Variants in SLC7A2 observed in about 807,000 individuals in gnomAD.
SLC7A2 encodes the protein solute carrier family 7 member 2, also known as cationic amino acid transporter 2.
In SLC7A2, 48 loss-of-function variants were observed where a neutral mutation model predicts 58.9. The ratio of observed to expected loss-of-function variants is 0.82; its 90% confidence interval spans 0.65 to 1.04. The LOEUF is 1.04. SLC7A2 is among the 50% of genes least tolerant of loss of function. The probability of loss-of-function intolerance (pLI) is 0.00; values close to 1 mark genes in which losing one functional copy is unlikely to be tolerated. For synonymous variants in SLC7A2, 363 were observed against 314.5 expected, an observed-to-expected ratio of 1.15 and a Z score of -1.63; for missense variants, 1,029 against 818.8, an observed-to-expected ratio of 1.26 and a Z score of -3.13.
At chr8:17,550,178 T>C (rs1171891884) in intron 5 of SLC7A2, 123 bp from the exon 6 acceptor site, 7 of 861,122 alleles carry the variant, frequency 8.1e-6, no homozygotes, top group African/African-American at 1.7e-5. Flanking sequence ...TTTAATTTTA[T>C]GTATATCATC....
intron 1 of SLC7A2, among the ~76,000 whole-genome samples, chr8:17,498,366 T>C (rs1800030849): frequency 6.6e-6 from 1 of 152,226 alleles, no homozygotes; most frequent in Non-Finnish European, 1.5e-5. Flanking sequence ...AAGTTAATAA[T>C]TATCTCCTCC....
At chr8:17,517,635 C>A (rs1800853976) in intron 2 of SLC7A2, among the ~76,000 whole-genome samples, 1 of 151,836 alleles carries the variant, frequency 6.6e-6, no homozygotes, top group South Asian at 2.1e-4. Flanking sequence ...TGTTCTTAAA[C>A]ATTGATTTTC....
chr8:17,496,546 C>G (rs1437451075), upstream of SLC7A2, among the ~76,000 whole-genome samples: 1 of 152,128 alleles, frequency 6.6e-6, no homozygotes, highest in East Asian at 1.9e-4. Flanking sequence ...TATAAACCCA[C>G]CCCCAAACAA....
chr8:17,509,603 A>C (rs142010226), intron 2 of SLC7A2, among the ~76,000 whole-genome samples: 1 of 152,138 alleles, frequency 6.6e-6, no homozygotes, highest in Non-Finnish European at 1.5e-5. Context: ...ACCACGCCCA[A>C]CAATTTCTTT....
rs1421446029 is a variant in SLC7A2 at position 17,566,235 on chromosome 8, T to A, written c.*1089T>A. On this transcript the variant is annotated 3_prime_UTR_variant, in exon 13 of 13. Coordinates refer to ENST00000494857, the MANE Select transcript of SLC7A2 (RefSeq NM_001370338.1). ...CCTCGTCAGGCCCAGAGTTCACTTC[T>A]TTGTTTCTCTGTTTCTTTTGTCTTG... The A allele has an allele frequency of 6.6e-6, 1 of 152,194 alleles. No homozygotes were observed. The highest frequency in any genetic ancestry group is 1.5e-5 in the Non-Finnish European group (1 of 68,028). The allele number at this position is 152,194 out of a possible 1,614,324, so 9.4% of individuals were successfully genotyped here. A position where few individuals can be genotyped will look rare whatever the true frequency, so the allele number is the denominator to read the frequency against.
At chr8:17,538,870 C>T (rs200203123) in intron 2 of SLC7A2, 19 of 1,613,494 alleles carry the variant, frequency 1.2e-5, no homozygotes, top group East Asian at 2.2e-5. Flanking sequence ...ACTAATTTGT[C>T]GAGGGTTTAT....
Position 17,554,637 on chromosome 8 carries a change from C to T in SLC7A2, c.1133C>T (p.Ala378Val), listed in dbSNP as rs1217766232. 1.2e-6 allele frequency: 2 copies of T among 1,613,358 alleles called. No homozygotes were observed. Among genetic ancestry groups the T allele is most frequent in the Non-Finnish European group, 1.7e-6 (2 of 1,179,812 alleles). The change falls in exon 8 of 13, where the codon GCT becomes GTT. Residue 378 changes from alanine (A) to valine (V), a missense_variant. Transcript: ENST00000494857. ...AEDGLLFKCL[A>V]QINSKTKTPI... ...GATGGGTTGCTTTTCAAATGTCTAG[C>T]TCAAATCAATTCCAAAACGAAGACA... is the stretch of plus-strand genomic sequence containing the variant.
Position 17,567,687 on chromosome 8 carries a change from T to C in SLC7A2, c.*2541T>C, listed in dbSNP as rs62498021. 6,432 of 152,614 alleles carry C rather than the reference T, an allele frequency of 0.042. 200 individuals are homozygous for C. Among genetic ancestry groups the C allele is most frequent in the Non-Finnish European group, 0.064 (4,378 of 68,028 alleles). 9.5% of individuals were successfully genotyped at this position (152,614 alleles called of 1,614,324 possible). ...CAACTGATGTGGAGAAAAATTGATGTTTGATGTTGATAGATATGCTTATAC... is the reference window on the plus strand; with the variant it reads ...CAACTGATGTGGAGAAAAATTGATGCTTGATGTTGATAGATATGCTTATAC... On this transcript the variant is annotated 3_prime_UTR_variant, in exon 13 of 13. Coordinates refer to ENST00000494857, the MANE Select transcript of SLC7A2 (RefSeq NM_001370338.1).
chr8:17,498,125 A>G (rs1320519417), intron 1 of SLC7A2, among the ~76,000 whole-genome samples: 1 of 152,194 alleles, frequency 6.6e-6, no homozygotes, highest in Admixed American at 6.5e-5. Flanking sequence ...TCAGAGTTGT[A>G]AATATTTGTG....
chr8:17,528,949 G>A (rs1467798048), intron 2 of SLC7A2, among the ~76,000 whole-genome samples: 1 of 151,800 alleles, frequency 6.6e-6, no homozygotes, highest in Non-Finnish European at 1.5e-5. Context: ...CCGCCTGTCG[G>A]GGATGAAAGG....
At position 17,551,332 on chromosome 8, in the gene SLC7A2, G is replaced by T. The variant is rs536397958; in HGVS notation, c.833-432G>T. ...ACAGATGGATCAGCTGGGCACAGTG[G>T]CTCACGCCTGTAATCCCAATCTTTG... is the stretch of plus-strand genomic sequence containing the variant. On this transcript the variant is annotated intron_variant, in intron 6 of 12. Coordinates refer to ENST00000494857, the MANE Select transcript of SLC7A2 (RefSeq NM_001370338.1). Among the ~76,000 whole-genome samples, 9 of 152,312 alleles carry T rather than the reference G, an allele frequency of 5.9e-5. No individual in the cohort carries two copies. The South Asian group carries it at 1.2e-3, about 21-fold the overall frequency.
chr8:17,497,505 C>G (rs1489161305), intron 1 of SLC7A2, among the ~76,000 whole-genome samples: 1 of 152,168 alleles, frequency 6.6e-6, no homozygotes, highest in Non-Finnish European at 1.5e-5. Context: ...CGCCTCGCCT[C>G]GTCCGGTCCC....
intron 1 of SLC7A2, among the ~76,000 whole-genome samples, chr8:17,501,052 C>T (rs989364169): frequency 9.9e-5 from 15 of 151,410 alleles, no homozygotes; most frequent in African/African-American, 2.2e-4. Context: ...CTCGTTCTGA[C>T]GCCCAGGCTA....
At chr8:17,557,700 C>G (rs947304223) in intron 8 of SLC7A2, among the ~76,000 whole-genome samples, 1 of 151,972 alleles carries the variant, frequency 6.6e-6, no homozygotes, top group Non-Finnish European at 1.5e-5. Context: ...TGGTGGCGCA[C>G]GCCTGTAGTC....
rs567175890 is a variant in SLC7A2 at position 17,569,843 on chromosome 8, C to G, written c.*4697C>G. ...AGCTTTCCCTAGCCACTGACAGCCC[C>G]GTGGAGATCATAATCAGGGCCCCAG... On this transcript the variant is annotated 3_prime_UTR_variant, in exon 13 of 13. Transcript: ENST00000494857. The G allele has an allele frequency of 2.0e-5, 3 of 152,098 alleles. No individual in the cohort carries two copies. Among genetic ancestry groups the G allele is most frequent in the Non-Finnish European group, 2.9e-5 (2 of 68,058 alleles). 9.4% of individuals were successfully genotyped at this position (152,098 alleles called of 1,614,324 possible). A position where few individuals can be genotyped will look rare whatever the true frequency, so the allele number is the denominator to read the frequency against.
intron 1 of SLC7A2, among the ~76,000 whole-genome samples, chr8:17,501,825 C>T (rs1800172814): frequency 1.3e-5 from 2 of 151,136 alleles, no homozygotes; most frequent in Non-Finnish European, 2.9e-5. Flanking sequence ...ATCTGGGATT[C>T]AGTATCGGGA....
At chr8:17,534,935 C>A (rs1189487121) in intron 2 of SLC7A2, among the ~76,000 whole-genome samples, 3 of 152,108 alleles carry the variant, frequency 2.0e-5, no homozygotes, top group Non-Finnish European at 4.4e-5. Context: ...CTGTTGTCCA[C>A]CTGTATCTCT....
intron 2 of SLC7A2, among the ~76,000 whole-genome samples, chr8:17,527,752 C>T (rs1801277007): frequency 6.6e-6 from 1 of 152,144 alleles, no homozygotes; most frequent in Non-Finnish European, 1.5e-5. Flanking sequence ...ATAAGGACAC[C>T]AGTGTTACTG....
intron 1 of SLC7A2, chr8:17,499,013 T>C (rs1800053710): frequency 1.3e-5 from 2 of 152,190 alleles, no homozygotes; most frequent in South Asian, 4.2e-4. Context: ...TTTCTTGCTT[T>C]GCACTGCAAG....
Sources: allele counts gnomAD v4.1 joint callset (sites outside exome capture counted in the v4.1 genomes callset), GRCh38; gene constraint gnomAD v4.1.1; transcripts MANE v1.5; gene names NCBI Gene and HGNC (gene_info 2026-07-23, HGNC 2026-07-21).